CTNNA3: variants seen among roughly 807,000 people sequenced by gnomAD.
CTNNA3 encodes catenin alpha-3.
A neutral mutation model predicts 95.7 loss-of-function variants in CTNNA3; 76 were observed. That is an observed-to-expected ratio of 0.79 (90% CI 0.66 to 0.96). The LOEUF is 0.96. Among genes scored for constraint, CTNNA3 ranks in the 40% least tolerant of loss-of-function variants. The pLI, the probability that CTNNA3 is intolerant of heterozygous loss-of-function variation, is 0.00. For missense variants in CTNNA3, 1,191 were observed against 1,089.8 expected, an observed-to-expected ratio of 1.09 and a Z score of -1.31; for synonymous variants, 431 against 374.4, an observed-to-expected ratio of 1.15 and a Z score of -1.74.
intron 7 of CTNNA3, among the ~76,000 whole-genome samples, chr10:67,179,305 T>C (rs111943317): frequency 1.6e-4 from 25 of 151,872 alleles, no homozygotes; most frequent in African/African-American, 5.6e-4. Flanking sequence ...TGAAAATATA[T>C]TCAAGATTTT....
intron 1 of CTNNA3, among the ~76,000 whole-genome samples, chr10:67,649,643 C>T (rs567921595): frequency 3.7e-4 from 56 of 152,244 alleles, no homozygotes; most frequent in African/African-American, 1.3e-3. Flanking sequence ...TCTTCCTGCT[C>T]TTTTGTATGT....
intron 11 of CTNNA3, among the ~76,000 whole-genome samples, chr10:66,424,668 G>A (rs113705406): frequency 3.3e-5 from 5 of 151,784 alleles, no homozygotes; most frequent in Non-Finnish European, 5.9e-5. Context: ...CTCACTTTTC[G>A]AAACTTGAAG....
At chr10:67,726,450 T>TA (rs1251801443) in intron 1 of CTNNA3, among the ~76,000 whole-genome samples, 2 of 78,736 alleles carry the variant, frequency 2.5e-5, no homozygotes, top group Non-Finnish European at 4.3e-5. Flanking sequence ...ATATATAATA[T>TA]TATATATGAT....
At chr10:66,240,298 A>C (rs1032753098) in intron 13 of CTNNA3, among the ~76,000 whole-genome samples, 2 of 152,066 alleles carry the variant, frequency 1.3e-5, no homozygotes, top group African/African-American at 4.8e-5. Context: ...CACAACTCTA[A>C]CATCAACATT....
chr10:67,313,440 A>AT lies in CTNNA3; in HGVS notation c.580-93571_580-93570insA, dbSNP rs1297299082. Among the ~76,000 whole-genome samples the AT allele has an allele frequency of 1.1e-3, 164 of 151,658 alleles. 1 individual carries two copies. The highest frequency in any genetic ancestry group is 3.8e-3 in the African/African-American group (156 of 41,474). On this transcript the variant is annotated intron_variant, in intron 5 of 17. Coordinates refer to ENST00000433211, the MANE Select transcript of CTNNA3 (RefSeq NM_013266.4). ...GAGCGAGAATCCGTCTCAAAAAAAA[A>AT]AAAAATAATAATAATAATAAAATAA... is the stretch of plus-strand genomic sequence containing the variant.
chr10:67,345,606 C>T (rs538877373), intron 5 of CTNNA3, among the ~76,000 whole-genome samples: 12 of 151,972 alleles, frequency 7.9e-5, no homozygotes, highest in East Asian at 5.8e-4. Context: ...TTATTGTTTT[C>T]GCCTTGAAAT....
chr10:66,729,069 G>A (rs967598982), intron 9 of CTNNA3, among the ~76,000 whole-genome samples: 2 of 152,142 alleles, frequency 1.3e-5, no homozygotes, highest in Non-Finnish European at 2.9e-5. Flanking sequence ...TAAGTGTGTG[G>A]TCTTATTTCT....
At chr10:66,875,617 C>T (rs1916373) in intron 7 of CTNNA3, among the ~76,000 whole-genome samples, 48,346 of 151,828 alleles carry the variant, frequency 0.32, 9,262 homozygotes, top group South Asian at 0.51. Flanking sequence ...TTCAATAATA[C>T]GACAACATAA....
At chr10:67,241,071 A>G (rs1009361869) in intron 5 of CTNNA3, among the ~76,000 whole-genome samples, 3 of 152,214 alleles carry the variant, frequency 2.0e-5, no homozygotes, top group African/African-American at 7.2e-5. Context: ...TACTTAATGC[A>G]TCCTTTCCAT....
upstream of CTNNA3, among the ~76,000 whole-genome samples, chr10:67,696,384 C>T (rs1840964848): frequency 6.6e-6 from 1 of 152,140 alleles, no homozygotes; most frequent in Non-Finnish European, 1.5e-5. Context: ...AGAACCTCTT[C>T]TATCTAATTA....
chr10:67,574,029 A>G (rs1842059960), intron 3 of CTNNA3, among the ~76,000 whole-genome samples: 1 of 152,208 alleles, frequency 6.6e-6, no homozygotes, highest in African/African-American at 2.4e-5. Context: ...CAGGAGTTGA[A>G]GTTCAGTTCA....
chr10:67,560,784 T>C (rs1400638896), intron 3 of CTNNA3, among the ~76,000 whole-genome samples: 1 of 151,898 alleles, frequency 6.6e-6, no homozygotes, highest in Non-Finnish European at 1.5e-5. Context: ...AATAAAGGGA[T>C]GGAGGAAGAT....
chr10:66,376,682 G>A (rs559328002), intron 12 of CTNNA3, among the ~76,000 whole-genome samples: 18 of 152,062 alleles, frequency 1.2e-4, no homozygotes, highest in Non-Finnish European at 1.8e-4. Context: ...ATTCACTATA[G>A]CTCCTCATAA....
chr10:66,267,337 G>A (rs768864778), intron 13 of CTNNA3, among the ~76,000 whole-genome samples: 134 of 152,024 alleles, frequency 8.8e-4, no homozygotes, highest in Non-Finnish European at 1.6e-3. Context: ...CAAATGTGCT[G>A]AGCCATAATT....
intron 3 of CTNNA3, among the ~76,000 whole-genome samples, chr10:67,576,516 A>G (rs991264895): frequency 6.6e-6 from 1 of 151,636 alleles, no homozygotes; most frequent in African/African-American, 2.4e-5. Context: ...TAATTATAAG[A>G]GTGTTCTCTT....
At position 67,530,441 on chromosome 10, in the gene CTNNA3, A is replaced by G. The variant is rs535209008; in HGVS notation, c.460-8480T>C. ...AACTGGAGCAAAGGTGACTCTTGTT[A>G]TGTTTTAGCAAAGAGATTGGTGGCA... On this transcript the variant is annotated intron_variant, in intron 4 of 17. Transcript: ENST00000433211. Among the ~76,000 whole-genome samples the G allele has an allele frequency of 1.7e-4, 26 of 152,324 alleles. 1 individual carries two copies. The South Asian group carries it at 5.2e-3, about 30-fold the overall frequency.
intron 9 of CTNNA3, among the ~76,000 whole-genome samples, chr10:66,681,770 A>G (rs1316202121): frequency 1.3e-5 from 2 of 152,130 alleles, no homozygotes; most frequent in Admixed American, 6.5e-5. Flanking sequence ...CTCTTTTCCT[A>G]TTCCTCTAAG....
chr10:66,441,119 G>T (rs1367203372), intron 11 of CTNNA3, among the ~76,000 whole-genome samples: 2 of 152,128 alleles, frequency 1.3e-5, no homozygotes, highest in African/African-American at 4.8e-5. Flanking sequence ...CATTGTTTGA[G>T]GCCAGGAGTT....
At chr10:66,387,440 A>G (rs183372855) in intron 11 of CTNNA3, among the ~76,000 whole-genome samples, 80 of 152,250 alleles carry the variant, frequency 5.3e-4, no homozygotes, top group African/African-American at 1.7e-3. Context: ...AAAAGCCAGG[A>G]AACAACAGAT....
Sources: allele counts gnomAD v4.1 joint callset (sites outside exome capture counted in the v4.1 genomes callset), GRCh38; gene constraint gnomAD v4.1.1; transcripts MANE v1.5; gene names NCBI Gene and HGNC (gene_info 2026-07-23, HGNC 2026-07-21).